Variants in ANK1 observed in about 807,000 individuals in gnomAD.
ANK1 encodes ankyrin-1.
Under a neutral mutation model 210.4 loss-of-function variants are expected in ANK1, and 51 were observed. The observed-to-expected ratio is 0.24, with a 90% CI of 0.19 to 0.31. The LOEUF is 0.31. Among genes scored for constraint, ANK1 ranks in the 10% least tolerant of loss-of-function variants. The pLI is 1.00. For missense variants in ANK1, 2,051 were observed against 2,504.4 expected (o/e 0.82, Z 3.86); for synonymous variants, 967 against 1,025.9 (o/e 0.94, Z 1.10).
At position 41,695,207 on chromosome 8, in the gene ANK1, G is replaced by A. The variant is rs1384255372; in HGVS notation, c.3085C>T (p.Leu1029=). 6.2e-7 allele frequency: 1 copy of A among 1,614,074 alleles called. No homozygotes were observed. The highest frequency in any genetic ancestry group is 8.5e-7 in the Non-Finnish European group (1 of 1,180,042). ...EHRSRYGESY[L]DQILNGMDEE... is the part of the protein sequence containing the mutation. Reference sequence around the variant, plus strand: ...TCCATCCCGTTGAGGATCTGATCCAGGTAGCTCTCTCCATAGCGGCTCCTG... The same window carrying A: ...TCCATCCCGTTGAGGATCTGATCCAAGTAGCTCTCTCCATAGCGGCTCCTG... The change falls in exon 27 of 43, where the codon CTG becomes TTG. Residue 1029 remains leucine (L), a synonymous_variant. Transcript: ENST00000289734.
At chr8:41,798,465 C>A (rs1423037907), upstream of ANK1, among the ~76,000 whole-genome samples, 1 of 152,228 alleles carries the variant, frequency 6.6e-6, no homozygotes, top group African/African-American at 2.4e-5. Flanking sequence ...GCCAGAAGGT[C>A]GGGGCTGCCC....
intron 1 of ANK1, among the ~76,000 whole-genome samples, chr8:41,871,941 C>T (rs927824930): frequency 2.6e-5 from 4 of 152,166 alleles, no homozygotes; most frequent in Non-Finnish European, 2.9e-5. Flanking sequence ...ATGGAGCCCC[C>T]GGGATGGGGG....
chr8:41,663,467 A>G (rs1291124158), intron 40 of ANK1, among the ~76,000 whole-genome samples, 192 bp downstream of exon 40: 1 of 152,148 alleles, frequency 6.6e-6, no homozygotes, highest in Non-Finnish European at 1.5e-5. Context: ...TTGTGAGGAC[A>G]CCATGACTGG....
chr8:41,722,495 G>A (rs935959377), intron 9 of ANK1, among the ~76,000 whole-genome samples: 1 of 152,244 alleles, frequency 6.6e-6, no homozygotes, highest in African/African-American at 2.4e-5. Context: ...CCCAGAGCAG[G>A]CACAGGCAGC....
chr8:41,797,924 C>A (rs1431669295), upstream of ANK1, among the ~76,000 whole-genome samples: 1 of 151,832 alleles, frequency 6.6e-6, no homozygotes, highest in Admixed American at 6.6e-5. The surrounding 1 kb of genome is among the most constrained non-coding windows in gnomAD (Gnocchi z 4.0). Context: ...CCGGTTTAGT[C>A]GCGGGCAGGG....
intron 1 of ANK1, among the ~76,000 whole-genome samples, chr8:41,893,390 GC>G (rs904487760): frequency 1.1e-4 from 16 of 152,190 alleles, no homozygotes; most frequent in African/African-American, 3.9e-4. Context: ...CCCATGAGAA[GC>G]AGGCATTGTT....
chr8:41,714,118 G>C (rs773072473), intron 16 of ANK1, 38 bp downstream of exon 16: 2 of 1,291,126 alleles, frequency 1.5e-6, no homozygotes, highest in Non-Finnish European at 2.0e-6. Flanking sequence ...CAGGTGACCT[G>C]CTCTCCAGGG....
rs1399977111 is a variant in ANK1, at chr8:41,719,607, T to C, written c.1107+54A>G. 1.4e-5 allele frequency: 22 copies of C among 1,610,162 alleles called. No homozygotes were observed. In the Admixed American group the frequency reaches 2.0e-4, roughly 15 times the overall value. On this transcript the variant is annotated intron_variant, in intron 10 of 42. Transcript: ENST00000289734. ...AGGCCCAGCCATGCCTCTCTGCTCC[T>C]GCCCCCAGCCTGCCCTGCCACTCTG...
intron 2 of ANK1, among the ~76,000 whole-genome samples, chr8:41,754,109 T>G (rs1838473050): frequency 1.3e-5 from 2 of 152,202 alleles, no homozygotes; most frequent in Non-Finnish European, 2.9e-5. Flanking sequence ...GATTAATAGC[T>G]CTCACTGCCA....
At chr8:41,732,889 C>T (rs967316156) in intron 3 of ANK1, among the ~76,000 whole-genome samples, 1 of 152,098 alleles carries the variant, frequency 6.6e-6, no homozygotes, top group African/African-American at 2.4e-5. Flanking sequence ...AGGCGCCCGC[C>T]ACCACGCCCG....
intron 1 of ANK1, among the ~76,000 whole-genome samples, chr8:41,782,803 A>G (rs76136207): frequency 0.022 from 3,421 of 152,306 alleles, 136 homozygotes; most frequent in African/African-American, 0.078. Flanking sequence ...CCGAAATTAG[A>G]TGAAAAAATT....
chr8:41,852,150 G>A (rs1353873798), intron 1 of ANK1, among the ~76,000 whole-genome samples: 1 of 152,168 alleles, frequency 6.6e-6, no homozygotes, highest in Non-Finnish European at 1.5e-5. Context: ...GGGAAGGAGA[G>A]CAAAGTTAGG....
rs915033592 is a variant in ANK1 at position 41,708,995 on chromosome 8, C to G, written c.1801-20G>C. On this transcript the variant is annotated intron_variant, in intron 16 of 42. Transcript: ENST00000289734. ...GCCATTCTGAAACAGAAGAAGCCGC[C>G]CAGAGCCTGGTTACAGGAATGCTGA... 8 of 1,613,184 alleles carry G rather than the reference C, an allele frequency of 5.0e-6. No homozygotes were observed. The East Asian group carries it at 1.8e-4, about 36-fold the overall frequency.
At chr8:41,875,301 C>T (rs1006882768) in intron 1 of ANK1, among the ~76,000 whole-genome samples, 4 of 152,224 alleles carry the variant, frequency 2.6e-5, no homozygotes, top group Admixed American at 6.5e-5. Context: ...AGGCTGGCAG[C>T]AGCAGGCATG....
chr8:41,700,446 G>T, intron 22 of ANK1: 1 of 1,613,722 alleles, frequency 6.2e-7, no homozygotes, highest in South Asian at 1.1e-5. Context: ...ATAGTTATAT[G>T]AGCAGTTCCT....
intron 6 of ANK1, among the ~76,000 whole-genome samples, chr8:41,725,524 C>G (rs1830454580): frequency 6.6e-6 from 1 of 152,206 alleles, no homozygotes; most frequent in South Asian, 2.1e-4. Context: ...TCCAGATGAC[C>G]TGGAGCAACA....
At chr8:41,712,879 C>A (rs1826536999) in intron 16 of ANK1, among the ~76,000 whole-genome samples, 1 of 151,806 alleles carries the variant, frequency 6.6e-6, no homozygotes, top group Non-Finnish European at 1.5e-5. Context: ...GGAGGGGAGT[C>A]CAGGTTTTTA....
chr8:41,881,487 A>G (rs1221000041), intron 1 of ANK1, among the ~76,000 whole-genome samples: 1 of 152,170 alleles, frequency 6.6e-6, no homozygotes, highest in Non-Finnish European at 1.5e-5. Context: ...TTCTGTACTC[A>G]GGGGGTTTGG....
chr8:41,842,198 A>T (rs116204166), intron 1 of ANK1, among the ~76,000 whole-genome samples: 2,358 of 152,308 alleles, frequency 0.015, 51 homozygotes, highest in African/African-American at 0.052. Context: ...TTTCGAGTAA[A>T]GATCTGGAAT....
Sources: allele counts gnomAD v4.1 joint callset (sites outside exome capture counted in the v4.1 genomes callset), GRCh38; gene constraint gnomAD v4.1.1; non-coding constraint Gnocchi (gnomAD v3.1); transcripts MANE v1.5; gene names NCBI Gene and HGNC (gene_info 2026-07-23, HGNC 2026-07-21).